SLC24A3: variants seen among roughly 807,000 people sequenced by gnomAD.
The protein encoded by SLC24A3 is sodium/potassium/calcium exchanger 3.
A neutral mutation model predicts 75.8 loss-of-function variants in SLC24A3; 28 were observed. The ratio of observed to expected loss-of-function variants is 0.37; its 90% CI spans 0.27 to 0.51. SLC24A3 has a LOEUF of 0.51. Among genes scored for constraint, SLC24A3 ranks in the 20% least tolerant of loss-of-function variants. SLC24A3 has a pLI of 0.94. For synonymous variants in SLC24A3, 372 were observed against 334.1 expected (o/e 1.11, Z -1.24); for missense variants, 663 against 847.8 (o/e 0.78, Z 2.71).
At chr20:19,258,457 G>A (rs750114559) in intron 1 of SLC24A3, among the ~76,000 whole-genome samples, 1 of 152,214 alleles carries the variant, frequency 6.6e-6, no homozygotes, top group Non-Finnish European at 1.5e-5. Context: ...TGTAATCCTA[G>A]CACTTTGGGA....
intron 6 of SLC24A3, among the ~76,000 whole-genome samples, chr20:19,597,090 A>C: frequency 6.6e-6 from 1 of 152,236 alleles, no homozygotes; most frequent in East Asian, 1.9e-4. Context: ...TTTTTAATAA[A>C]TACAATTTTT....
intron 2 of SLC24A3, among the ~76,000 whole-genome samples, chr20:19,398,664 C>T (rs933768572): frequency 3.9e-5 from 6 of 152,078 alleles, no homozygotes; most frequent in Non-Finnish European, 8.8e-5. Flanking sequence ...TAAAGAAAGA[C>T]ATTTTATTTA....
At position 19,702,622 on chromosome 20, in the gene SLC24A3, CA is replaced by C. The variant is rs11470232; in HGVS notation, c.1719+3956del. ...AATGCTGCTGTTTCTGTAATAAGTG[CA>C]AAAAAAAAAAAAATCATTTTATGCT... On this transcript the variant is annotated intron_variant, in intron 15 of 16. Coordinates refer to ENST00000328041, the MANE Select transcript of SLC24A3 (RefSeq NM_020689.4). 4.8e-3 allele frequency among the ~76,000 whole-genome samples: 716 copies of C among 149,004 alleles called. 5 individuals carry two copies. Among genetic ancestry groups the C allele is most frequent in the East Asian group, 0.017 (85 of 5,112 alleles).
intron 9 of SLC24A3, among the ~76,000 whole-genome samples, chr20:19,678,300 C>T (rs2032553707): frequency 7.2e-6 from 1 of 138,444 alleles, no homozygotes; most frequent in African/African-American, 2.7e-5. Flanking sequence ...AGAGGCACCC[C>T]TCACCTCCCA....
intron 2 of SLC24A3, among the ~76,000 whole-genome samples, chr20:19,329,538 T>C (rs886871092): frequency 3.9e-5 from 6 of 152,270 alleles, no homozygotes; most frequent in Admixed American, 2.0e-4. Flanking sequence ...GAAAGAAGTT[T>C]GTCACATTAC....
chr20:19,280,973 G>C lies in SLC24A3; in HGVS notation c.157G>C (p.Asp53His). 6.2e-7 allele frequency: 1 copy of C among 1,613,796 alleles called. No homozygotes were observed. Among genetic ancestry groups the C allele is most frequent in the Non-Finnish European group, 8.5e-7 (1 of 1,179,808 alleles). Residue 53 changes from aspartate to histidine, a missense_variant, in exon 2 of 17, where the codon GAC becomes CAC. Coordinates refer to ENST00000328041, the MANE Select transcript of SLC24A3 (RefSeq NM_020689.4). ...LREQKELDLM[D>H]LVGEDRKWMM... Reference sequence around the variant, plus strand: ...TGTCTCCCCAGAGCTTGACCTCATGGACCTCGTAGGGGAAGACAGAAAGTG... The same window carrying C: ...TGTCTCCCCAGAGCTTGACCTCATGCACCTCGTAGGGGAAGACAGAAAGTG...
chr20:19,678,718 C>T (rs192477591), intron 9 of SLC24A3, among the ~76,000 whole-genome samples: 65,867 of 137,876 alleles, frequency 0.48, 16,349 homozygotes, highest in South Asian at 0.63. Flanking sequence ...GGGTGGCTGC[C>T]GGGCGGAGGG....
intron 2 of SLC24A3, among the ~76,000 whole-genome samples, chr20:19,339,538 T>C (rs1600437325): frequency 6.6e-6 from 1 of 152,312 alleles, no homozygotes; most frequent in South Asian, 2.1e-4. Flanking sequence ...AGTATGACAG[T>C]GCTAGAAGAA....
At chr20:19,241,143 C>G (rs1236144533) in intron 1 of SLC24A3, among the ~76,000 whole-genome samples, 1 of 152,192 alleles carries the variant, frequency 6.6e-6, no homozygotes, top group Non-Finnish European at 1.5e-5. Context: ...CCAACCATGT[C>G]CAAAAAGACC....
At position 19,599,646 on chromosome 20, in the gene SLC24A3, C is replaced by T. The variant is rs148819033; in HGVS notation, c.612+14102C>T. ...GACACTGAGACTCTATTCCGAGCTACGTTTATGCATGCCCTCATTATGGAA... is the reference window on the plus strand; with the variant it reads ...GACACTGAGACTCTATTCCGAGCTATGTTTATGCATGCCCTCATTATGGAA... On this transcript the variant is annotated intron_variant, in intron 6 of 16. Transcript: ENST00000328041. Among the ~76,000 whole-genome samples the T allele has an allele frequency of 2.0e-5, 3 of 152,302 alleles. No homozygotes were observed. In the East Asian group the frequency reaches 5.8e-4, roughly 29 times the overall value.
At chr20:19,515,387 T>C (rs906915304) in intron 2 of SLC24A3, 101 bp from the exon 3 acceptor site, 2 of 1,091,308 alleles carry the variant, frequency 1.8e-6, no homozygotes, top group Non-Finnish European at 2.8e-6. Flanking sequence ...CTTTTTTTCA[T>C]CCAAGTTCAT....
chr20:19,525,633 A>T (rs976667429), intron 3 of SLC24A3, among the ~76,000 whole-genome samples: 8 of 152,098 alleles, frequency 5.3e-5, no homozygotes, highest in African/African-American at 1.9e-4. Context: ...TAGCATTTCC[A>T]GTCGGCCCCA....
At chr20:19,241,565 A>G (rs576853548) in intron 1 of SLC24A3, among the ~76,000 whole-genome samples, 2 of 152,352 alleles carry the variant, frequency 1.3e-5, no homozygotes, top group East Asian at 1.9e-4. Context: ...ATTCTTTTCA[A>G]AAATTGAAAA....
chr20:19,469,142 A>C (rs1257504343), intron 2 of SLC24A3, among the ~76,000 whole-genome samples: 1 of 152,130 alleles, frequency 6.6e-6, no homozygotes, highest in Non-Finnish European at 1.5e-5. Context: ...TCCTGGCATC[A>C]CCATGATTGT....
chr20:19,321,079 C>CTG (rs1330547830), intron 2 of SLC24A3, among the ~76,000 whole-genome samples: 3 of 149,026 alleles, frequency 2.0e-5, no homozygotes, highest in Admixed American at 1.3e-4. Context: ...AGAGGGCTCA[C>CTG]TGTGTGTGTG....
intron 7 of SLC24A3, among the ~76,000 whole-genome samples, chr20:19,665,527 T>C (rs970724741): frequency 1.3e-5 from 2 of 152,192 alleles, no homozygotes; most frequent in African/African-American, 4.8e-5. Context: ...GATTCTACAA[T>C]GGGCCTTGCT....
rs369615913 is a variant in SLC24A3, at chr20:19,567,557, A to G, written c.349-12443A>G. ...ATTGAAAAACTACCTATCAGGTACT[A>G]TGCTTATTATCTTGGTGACTAAATG... is the stretch of plus-strand genomic sequence containing the variant. On this transcript the variant is annotated intron_variant, in intron 3 of 16. Coordinates refer to ENST00000328041, the MANE Select transcript of SLC24A3 (RefSeq NM_020689.4). Among the ~76,000 whole-genome samples the G allele has an allele frequency of 1.8e-3, 280 of 152,334 alleles. 15 individuals are homozygous for G. The South Asian group carries it at 0.057, about 31-fold the overall frequency.
intron 2 of SLC24A3, among the ~76,000 whole-genome samples, chr20:19,378,291 A>T (rs6046030): frequency 0.012 from 1,815 of 150,222 alleles, 22 homozygotes; most frequent in African/African-American, 0.033. Flanking sequence ...GGTTTTTTTA[A>T]AAAAAAAAAA....
chr20:19,350,129 C>G (rs1231998643), intron 2 of SLC24A3, among the ~76,000 whole-genome samples: 1 of 152,142 alleles, frequency 6.6e-6, no homozygotes, highest in Non-Finnish European at 1.5e-5. Context: ...CTGAGAGTTA[C>G]CCACTCTGCT....
Sources: gnomAD v4.1 joint callset for allele counts (sites outside exome capture counted in the v4.1 genomes callset) on GRCh38, gnomAD v4.1.1 for gene constraint, MANE v1.5 for transcripts, NCBI Gene and HGNC (gene_info 2026-07-23, HGNC 2026-07-21) for gene names.